The following FRYL variants were observed in gnomAD, a reference collection of about 807,000 sequenced individuals.
The protein encoded by FRYL is FRY like transcription coactivator.
FRYL carries 150 observed loss-of-function variants against 351.2 expected under a neutral mutation model. The ratio of observed to expected loss-of-function variants is 0.43; its 90% CI spans 0.37 to 0.49. FRYL has a LOEUF of 0.49. Ranked by LOEUF, FRYL falls within the 20% of genes least tolerant of loss-of-function variation. The pLI, the probability that FRYL is intolerant of heterozygous loss-of-function variation, is 0.00. For missense variants in FRYL, 3,036 were observed against 3,619.3 expected (o/e 0.84, Z 4.13); for synonymous variants, 1,153 against 1,257.1 (o/e 0.92, Z 1.75).
chr4:48,628,124 A>G (rs1356160384), intron 4 of FRYL, among the ~76,000 whole-genome samples: 1 of 152,230 alleles, frequency 6.6e-6, no homozygotes, highest in Non-Finnish European at 1.5e-5. Flanking sequence ...TTTATTGTCT[A>G]TGTAACTCAT....
rs774847133 is a variant in FRYL, at chr4:48,557,687, A to C, written c.3891T>G (p.Ala1297=). ...FSEISQRIQT[A]HPAGRQVMLH... is the part of the protein sequence containing the mutation. The stretch of plus-strand genomic sequence containing the variant: ...GCATCACCTGCCGCCCAGCAGGGTG[A>C]GCTGTCTGGATTCTCTGGCTTATCT... The change falls in exon 34 of 64, where the codon GCT becomes GCG. Residue 1297 remains alanine (A), a synonymous_variant. Coordinates refer to ENST00000358350, the MANE Select transcript of FRYL (RefSeq NM_015030.2). The C allele has an allele frequency of 1.2e-6, 2 of 1,614,120 alleles. No homozygotes were observed. The highest frequency in any genetic ancestry group is 1.7e-6 in the Non-Finnish European group (2 of 1,180,002).
intron 3 of FRYL, among the ~76,000 whole-genome samples, chr4:48,645,450 A>G (rs1756277483): frequency 1.3e-5 from 2 of 152,096 alleles, no homozygotes; most frequent in South Asian, 4.1e-4. Flanking sequence ...CACTTGGCAT[A>G]TTTCTCACTG....
At chr4:48,615,204 T>A (rs910931574) in intron 7 of FRYL, among the ~76,000 whole-genome samples, 1 of 152,186 alleles carries the variant, frequency 6.6e-6, no homozygotes, top group Non-Finnish European at 1.5e-5. Flanking sequence ...ACTAGCCCAA[T>A]CATTAGCTAA....
chr4:48,770,406 AT>A (rs1775391612), intron 1 of FRYL, among the ~76,000 whole-genome samples: 2 of 152,062 alleles, frequency 1.3e-5, no homozygotes, highest in East Asian at 1.9e-4. Context: ...TCCTTATCAC[AT>A]TTTTTTGTTA....
chr4:48,665,051 A>G (rs763264449), intron 3 of FRYL, among the ~76,000 whole-genome samples: 13 of 152,342 alleles, frequency 8.5e-5, no homozygotes, highest in Middle Eastern at 6.8e-3. Context: ...TAATATACTC[A>G]TAAGTTAGCA....
At chr4:48,759,484 GTT>G (rs1774179821) in intron 1 of FRYL, among the ~76,000 whole-genome samples, 1 of 152,148 alleles carries the variant, frequency 6.6e-6, no homozygotes, top group African/African-American at 2.4e-5. Context: ...TTATCTTACA[GTT>G]TTGGAGGTCG....
chr4:48,710,597 T>G lies in FRYL; in HGVS notation c.-282A>C. 5.0e-6 allele frequency: 2 copies of G among 398,634 alleles called. No individual in the cohort carries two copies. Among genetic ancestry groups the G allele is most frequent in the Non-Finnish European group, 8.8e-6 (2 of 226,068 alleles). The allele number at this position is 398,634 out of a possible 1,614,324, so 24.7% of individuals were successfully genotyped here. A position where few individuals can be genotyped will look rare whatever the true frequency, so the allele number is the denominator to read the frequency against. ...GAAAGGATCCATCTAGAAGCTTTTTTGATCTGGAGCTTGTACTTTACAGGC... is the reference window on the plus strand; with the variant it reads ...GAAAGGATCCATCTAGAAGCTTTTTGGATCTGGAGCTTGTACTTTACAGGC... On this transcript the variant is annotated 5_prime_UTR_variant, in exon 2 of 64. Coordinates refer to ENST00000358350, the MANE Select transcript of FRYL (RefSeq NM_015030.2).
At chr4:48,504,294 T>A (rs1157511898) in intron 60 of FRYL, among the ~76,000 whole-genome samples, 1 of 152,082 alleles carries the variant, frequency 6.6e-6, no homozygotes, top group Admixed American at 6.6e-5. Flanking sequence ...ATATGAAAGG[T>A]GAGCTGAAAT....
intron 55 of FRYL, among the ~76,000 whole-genome samples, chr4:48,518,111 A>C (rs1724040720): frequency 6.6e-6 from 1 of 152,210 alleles, no homozygotes; most frequent in Non-Finnish European, 1.5e-5. Flanking sequence ...ACTGTTTCTA[A>C]ATGAAATACC....
rs113171338 is a variant in FRYL at position 48,576,461 on chromosome 4, C to T, written c.2529-239G>A. On this transcript the variant is annotated intron_variant, in intron 23 of 63. Transcript: ENST00000358350. ...CTGGGACTACAGGTGTGTGCCATCACGCCCAGCAAATGTTTTGTATTTTTG... is the reference window on the plus strand; with the variant it reads ...CTGGGACTACAGGTGTGTGCCATCATGCCCAGCAAATGTTTTGTATTTTTG... Among the ~76,000 whole-genome samples, 590 of 152,066 alleles carry T rather than the reference C, an allele frequency of 3.9e-3. 6 individuals carry two copies. The highest frequency in any genetic ancestry group is 0.014 in the African/African-American group (564 of 41,506).
chr4:48,737,261 A>G (rs1219330705), intron 1 of FRYL, among the ~76,000 whole-genome samples: 4 of 141,384 alleles, frequency 2.8e-5, no homozygotes, highest in Admixed American at 2.7e-4. Flanking sequence ...CCATCACAGA[A>G]AAAAAAAAAA....
chr4:48,511,043 TTA>T lies in FRYL; in HGVS notation c.8146-61_8146-60del, dbSNP rs544853306. The T allele has an allele frequency of 4.5e-4, 537 of 1,197,044 alleles. 4 individuals carry two copies. Among genetic ancestry groups the T allele is most frequent in the Non-Finnish European group, 5.1e-4 (426 of 829,100 alleles). 74.2% of individuals were successfully genotyped at this position (1,197,044 alleles called of 1,614,324 possible). A position where few individuals can be genotyped will look rare whatever the true frequency, so the allele number is the denominator to read the frequency against. On this transcript the variant is annotated intron_variant, in intron 57 of 63. Transcript: ENST00000358350. ...TTCATAAGAAGGCCTTTTTTCATCTTTAAGTAAAGAAGCATAATAGGGTAGAC... is the reference window on the plus strand; with the variant it reads ...TTCATAAGAAGGCCTTTTTTCATCTTAGTAAAGAAGCATAATAGGGTAGAC...
In FRYL at chr4:48,498,644, G is replaced by A. The variant is rs1428936675; in HGVS notation, c.*778C>T. ...TATTTCTTTTTGAAATACTGGGAAA[G>A]CCCAGTTTTAAAATATTATTAAAAT... On this transcript the variant is annotated 3_prime_UTR_variant, in exon 64 of 64. Coordinates refer to ENST00000358350, the MANE Select transcript of FRYL (RefSeq NM_015030.2). 6.6e-6 allele frequency: 1 copy of A among 152,560 alleles called. No individual in the cohort carries two copies. The highest frequency in any genetic ancestry group is 1.5e-5 in the Non-Finnish European group (1 of 68,018). 9.5% of individuals were successfully genotyped at this position (152,560 alleles called of 1,614,324 possible).
intron 1 of FRYL, among the ~76,000 whole-genome samples, chr4:48,767,618 A>T (rs1392776576): frequency 2.0e-5 from 3 of 152,240 alleles, no homozygotes; most frequent in African/African-American, 7.2e-5. Flanking sequence ...TTAAAAAGCC[A>T]AACTCAGAGT....
At chr4:48,591,636 C>A (rs1428742621) in intron 16 of FRYL, among the ~76,000 whole-genome samples, 1 of 152,134 alleles carries the variant, frequency 6.6e-6, no homozygotes, top group Non-Finnish European at 1.5e-5. Flanking sequence ...TCAGGTTTGG[C>A]CTCCCTGACC....
chr4:48,576,201 T>C lies in FRYL; in HGVS notation c.2550A>G (p.Lys850=). 1 of 1,606,558 alleles carries C rather than the reference T, an allele frequency of 6.2e-7. No individual in the cohort carries two copies. The highest frequency in any genetic ancestry group is 8.5e-7 in the Non-Finnish European group (1 of 1,176,890). The change falls in exon 24 of 64, where the codon AAA becomes AAG. Residue 850 remains lysine (K), a synonymous_variant. Coordinates refer to ENST00000358350, the MANE Select transcript of FRYL (RefSeq NM_015030.2). ...AGTCACTGCTTGTGGTGGTATTTAC[T>C]TTCTTAGCATTGATGGGGCTACTAA... ...VDINSPINAK[K]VNTTTSSDSY...
Position 48,570,870 on chromosome 4 carries a change from G to A in FRYL, c.2953C>T (p.Arg985Ter), listed in dbSNP as rs777104898. The stretch of plus-strand genomic sequence containing the variant: ...GCATCTGCCAGCAGTTCAAATATTC[G>A]TACCAGTTGTACTCGTAAAATGTCT... The part of the protein sequence containing the change: ...RRDILRVQLV[R>*]IFELLADAGV... The change falls in exon 27 of 64, where the codon CGA (arginine) becomes TGA (stop). Residue 985 changes from arginine to a stop codon, truncating the protein, a stop_gained. Coordinates refer to ENST00000358350, the MANE Select transcript of FRYL (RefSeq NM_015030.2). LOFTEE classifies it high-confidence loss of function. 3 of 1,613,788 alleles carry A rather than the reference G, an allele frequency of 1.9e-6. No homozygotes were observed. The highest frequency in any genetic ancestry group is 2.2e-5 in the East Asian group (1 of 44,866).
chr4:48,594,358 T>C (rs1442647763), intron 15 of FRYL, among the ~76,000 whole-genome samples: 1 of 151,642 alleles, frequency 6.6e-6, no homozygotes, highest in East Asian at 1.9e-4. Flanking sequence ...AGTGAGTTCA[T>C]ACTGGGTCAG....
chr4:48,508,736 C>T (rs1721843267), intron 59 of FRYL, among the ~76,000 whole-genome samples: 1 of 152,238 alleles, frequency 6.6e-6, no homozygotes, highest in African/African-American at 2.4e-5. Context: ...CTCTGTTCTC[C>T]CCTACATGGC....
Sources: gnomAD v4.1 joint callset for allele counts (sites outside exome capture counted in the v4.1 genomes callset) on GRCh38, gnomAD v4.1.1 for gene constraint, MANE v1.5 for transcripts, NCBI Gene and HGNC (gene_info 2026-07-23, HGNC 2026-07-21) for gene names.